The following GPC6 variants were observed in gnomAD, a reference collection of about 807,000 sequenced individuals.
GPC6 encodes glypican 6.
GPC6 carries 14 observed loss-of-function variants against 55.2 expected under a neutral mutation model. The observed-to-expected ratio is 0.25, with a 90% CI of 0.17 to 0.40. GPC6 has a LOEUF of 0.40. Among genes scored for constraint, GPC6 ranks in the 10% least tolerant of loss-of-function variants. GPC6 has a pLI of 1.00. For synonymous variants in GPC6, 278 were observed against 259.6 expected (o/e 1.07, Z -0.68); for missense variants, 641 against 708.5 (o/e 0.90, Z 1.08).
intron 2 of GPC6, among the ~76,000 whole-genome samples, chr13:93,611,595 C>T (rs897292581): frequency 6.6e-6 from 1 of 152,052 alleles, no homozygotes; most frequent in Non-Finnish European, 1.5e-5. Flanking sequence ...TTTTGATAAA[C>T]CTGGATAGAT....
At chr13:93,623,832 C>T (rs1879072403) in intron 2 of GPC6, among the ~76,000 whole-genome samples, 1 of 152,058 alleles carries the variant, frequency 6.6e-6, no homozygotes, top group Non-Finnish European at 1.5e-5. Flanking sequence ...TTGCATTCTC[C>T]TGATGATTAG....
At chr13:93,935,256 G>T (rs569732200) in intron 3 of GPC6, among the ~76,000 whole-genome samples, 34 of 152,008 alleles carry the variant, frequency 2.2e-4, no homozygotes, top group African/African-American at 7.7e-4. Context: ...TCAACCCTTG[G>T]CCCCCTCCCA....
chr13:93,682,030 G>C lies in GPC6; in HGVS notation c.319+136609G>C, dbSNP rs550054804. Among the ~76,000 whole-genome samples the C allele has an allele frequency of 1.1e-4, 16 of 151,954 alleles. No individual in the cohort carries two copies. In the East Asian group the frequency reaches 2.7e-3, roughly 26 times the overall value. ...AGAGAAGAACATTTTAGTATATTTT[G>C]TTTAGAAAATATTGGCTCATAACTA... On this transcript the variant is annotated intron_variant, in intron 2 of 8. Coordinates refer to ENST00000377047, the MANE Select transcript of GPC6 (RefSeq NM_005708.5).
In GPC6 at chr13:93,809,033, G is replaced by A. The variant is rs573757394; in HGVS notation, c.320-21121G>A. 2.2e-4 allele frequency among the ~76,000 whole-genome samples: 34 copies of A among 152,286 alleles called. No individual in the cohort carries two copies. In the South Asian group the frequency reaches 6.8e-3, roughly 31 times the overall value. On this transcript the variant is annotated intron_variant, in intron 2 of 8. Coordinates refer to ENST00000377047, the MANE Select transcript of GPC6 (RefSeq NM_005708.5). ...AGTATAGGAGAAAGAATAGGAGAGA[G>A]AATGAAGACAAAAGAAAGTAGAAAT...
chr13:94,220,785 A>G (rs1026077814), intron 4 of GPC6, among the ~76,000 whole-genome samples: 3 of 152,028 alleles, frequency 2.0e-5, no homozygotes, highest in African/African-American at 7.2e-5. Flanking sequence ...CACATTTCCT[A>G]TGTCAATAGG....
chr13:93,310,318 C>G (rs1312026680), intron 1 of GPC6, among the ~76,000 whole-genome samples: 1 of 152,170 alleles, frequency 6.6e-6, no homozygotes, highest in Non-Finnish European at 1.5e-5. Flanking sequence ...TCCACCAGGC[C>G]TCATCTTCCT....
chr13:93,766,989 TC>T (rs1284894227), intron 2 of GPC6, among the ~76,000 whole-genome samples: 1 of 151,922 alleles, frequency 6.6e-6, no homozygotes, highest in African/African-American at 2.4e-5. Context: ...TTTTTTTTTT[TC>T]CCCCGCGGTG....
At chr13:93,498,440 G>A (rs1355776296) in intron 1 of GPC6, among the ~76,000 whole-genome samples, 1 of 152,164 alleles carries the variant, frequency 6.6e-6, no homozygotes, top group African/African-American at 2.4e-5. Context: ...GACCTGGTTT[G>A]GCTGTGTCCC....
intron 1 of GPC6, among the ~76,000 whole-genome samples, chr13:93,371,192 G>A (rs751232988): frequency 6.6e-6 from 1 of 152,036 alleles, no homozygotes; most frequent in Non-Finnish European, 1.5e-5. Flanking sequence ...TGGCTAGAGA[G>A]TTAATGATTC....
chr13:94,036,078 A>G (rs1042932837), intron 4 of GPC6, among the ~76,000 whole-genome samples: 2 of 152,040 alleles, frequency 1.3e-5, no homozygotes, highest in Non-Finnish European at 2.9e-5. Flanking sequence ...GTGGTTAAAT[A>G]GATCTTTTCC....
intron 1 of GPC6, among the ~76,000 whole-genome samples, chr13:93,513,722 G>A (rs970839818): frequency 3.3e-5 from 5 of 152,146 alleles, no homozygotes; most frequent in Non-Finnish European, 5.9e-5. Context: ...TGCCAGACTT[G>A]TCTGACTAAA....
intron 3 of GPC6, among the ~76,000 whole-genome samples, chr13:93,870,213 A>T (rs948896969): frequency 1.3e-5 from 2 of 151,850 alleles, no homozygotes; most frequent in Admixed American, 1.3e-4. Flanking sequence ...CCTTATTGTT[A>T]CATTGTTGTA....
intron 2 of GPC6, among the ~76,000 whole-genome samples, chr13:93,667,281 G>C (rs1481141390): frequency 6.6e-6 from 1 of 152,006 alleles, no homozygotes; most frequent in Non-Finnish European, 1.5e-5. Flanking sequence ...ATTATTGCTA[G>C]AATACTTCAA....
chr13:93,614,608 A>G lies in GPC6; in HGVS notation c.319+69187A>G, dbSNP rs188981166. On this transcript the variant is annotated intron_variant, in intron 2 of 8. Transcript: ENST00000377047. The stretch of plus-strand genomic sequence containing the variant: ...GTTTTTGTTAATATGAAATAGCTAT[A>G]GCCAAAGTCCCCAAATAGTAACTAA... Among the ~76,000 whole-genome samples, 9 of 152,316 alleles carry G rather than the reference A, an allele frequency of 5.9e-5. No homozygotes were observed. In the East Asian group the frequency reaches 9.7e-4, roughly 16 times the overall value.
intron 4 of GPC6, among the ~76,000 whole-genome samples, chr13:94,174,828 G>T (rs1888689877): frequency 6.6e-6 from 1 of 152,174 alleles, no homozygotes; most frequent in African/African-American, 2.4e-5. Flanking sequence ...CCATTTTAGA[G>T]CCAGAAAATT....
At chr13:93,504,599 G>A (rs1467310489) in intron 1 of GPC6, among the ~76,000 whole-genome samples, 1 of 149,744 alleles carries the variant, frequency 6.7e-6, no homozygotes, top group Non-Finnish European at 1.5e-5. Flanking sequence ...TGCAGTAAAG[G>A]TACTTTATTA....
intron 3 of GPC6, among the ~76,000 whole-genome samples, chr13:93,952,314 A>G (rs1879286157): frequency 6.6e-6 from 1 of 152,158 alleles, no homozygotes; most frequent in African/African-American, 2.4e-5. Flanking sequence ...TCAAAAATGA[A>G]TCTTTAGGGA....
At chr13:93,761,957 A>C (rs1191466158) in intron 2 of GPC6, among the ~76,000 whole-genome samples, 1 of 152,152 alleles carries the variant, frequency 6.6e-6, no homozygotes. Context: ...GAACACCAGA[A>C]GTCATTCCTC....
intron 2 of GPC6, among the ~76,000 whole-genome samples, chr13:93,675,730 T>A (rs187387949): frequency 6.6e-6 from 1 of 152,256 alleles, no homozygotes; most frequent in Admixed American, 6.5e-5. Context: ...TTTAACCCAT[T>A]TATATGATCA....
Sources: gnomAD v4.1 joint callset for allele counts (sites outside exome capture counted in the v4.1 genomes callset) on GRCh38, gnomAD v4.1.1 for gene constraint, MANE v1.5 for transcripts, NCBI Gene and HGNC (gene_info 2026-07-23, HGNC 2026-07-21) for gene names.